Variants in AKAP13 observed in about 807,000 individuals in gnomAD.
AKAP13 encodes A-kinase anchor protein 13.
AKAP13 carries 80 observed loss-of-function variants against 264.5 expected under a neutral mutation model. The observed-to-expected ratio is 0.30, with a 90% CI of 0.25 to 0.36. The LOEUF (loss-of-function observed/expected upper bound fraction) is 0.36. Among genes scored for constraint, AKAP13 ranks in the 10% least tolerant of loss-of-function variants. The probability of loss-of-function intolerance (pLI) is 1.00; values close to 1 mark genes in which losing one functional copy is unlikely to be tolerated. For synonymous variants in AKAP13, 1,380 were observed against 1,250.2 expected (o/e 1.10, Z -2.19); for missense variants, 3,712 against 3,435.2 (o/e 1.08, Z -2.01).
intron 1 of AKAP13, among the ~76,000 whole-genome samples, chr15:85,425,764 T>A (rs1292748703): frequency 1.3e-5 from 2 of 151,348 alleles, no homozygotes; most frequent in Non-Finnish European, 2.9e-5. Flanking sequence ...TTAATTATCC[T>A]CTTTGCATTA....
At position 85,582,078 on chromosome 15, in the gene AKAP13, T is replaced by C. The variant is rs776146514; in HGVS notation, c.4010T>C (p.Leu1337Ser). Residue 1337 changes from leucine to serine, a missense_variant, in exon 7 of 37, where the codon TTA becomes TCA. Physicochemically the swap from Leu to Ser is moderately radical, Grantham distance 145 (BLOSUM62 -2). Around this residue, in one of 3 missense-constraint regions of AKAP13, gnomAD observed 2,759 missense variants for 2,411.7 expected, o/e 1.14. Transcript: ENST00000394518. ...AGREEPEKII[L>S]PVQGPEPAAE... ...AGGGAGGAGCCAGAGAAGATCATTTTACCTGTCCAGGGGCCTGAGCCAGCA... is the reference window on the plus strand; with the variant it reads ...AGGGAGGAGCCAGAGAAGATCATTTCACCTGTCCAGGGGCCTGAGCCAGCA... 1 of 1,611,398 alleles carries C rather than the reference T, an allele frequency of 6.2e-7. No homozygotes were observed. Among genetic ancestry groups the C allele is most frequent in the Admixed American group, 1.7e-5 (1 of 59,894 alleles).
intron 8 of AKAP13, among the ~76,000 whole-genome samples, chr15:85,614,131 G>A (rs1453116872): frequency 6.6e-6 from 1 of 152,130 alleles, no homozygotes; most frequent in Non-Finnish European, 1.5e-5. Flanking sequence ...CATGTCAGAG[G>A]ATTTTGTTTG....
intron 14 of AKAP13, among the ~76,000 whole-genome samples, chr15:85,680,898 A>C (rs1291680317): frequency 1.3e-5 from 2 of 152,106 alleles, no homozygotes; most frequent in African/African-American, 4.8e-5. Flanking sequence ...GCTCACTGCA[A>C]CCTCGACCTC....
intron 3 of AKAP13, 113 bp downstream of exon 3, chr15:85,521,688 T>A (rs1417641433): frequency 1.7e-6 from 2 of 1,176,032 alleles, no homozygotes; most frequent in Non-Finnish European, 2.3e-6. Flanking sequence ...TATAAAAAAA[T>A]TTATTAGTTT....
At chr15:85,706,939 C>T (rs1356216954) in intron 17 of AKAP13, among the ~76,000 whole-genome samples, 1 of 152,182 alleles carries the variant, frequency 6.6e-6, no homozygotes, top group Non-Finnish European at 1.5e-5. Flanking sequence ...CCTTCCCTCC[C>T]CATCATCACT....
intron 30 of AKAP13, among the ~76,000 whole-genome samples, chr15:85,732,592 T>C (rs552954129): frequency 6.6e-5 from 10 of 150,666 alleles, no homozygotes; most frequent in Non-Finnish European, 1.5e-4. Flanking sequence ...AGTGTTTGTT[T>C]TTTTAACTAA....
Position 85,682,191 on chromosome 15 carries a change from C to T in AKAP13, c.5135C>T (p.Thr1712Ile), listed in dbSNP as rs1027611062. 4 of 1,613,360 alleles carry T rather than the reference C, an allele frequency of 2.5e-6. No individual in the cohort carries two copies. Among genetic ancestry groups the T allele is most frequent in the Non-Finnish European group, 3.4e-6 (4 of 1,179,912 alleles). ...SRPFHSTFHN[T>I]SANLTESITE... ...CCCTTCCACAGTACCTTCCACAATA[C>T]CAGTGCTAATCTGACTGAGAGGTAC... The change falls in exon 15 of 37, where the codon ACC (threonine) becomes ATC (isoleucine). Residue 1712 changes from threonine (T) to isoleucine (I), a missense_variant. This residue lies in a region of AKAP13 where 2,759 missense variants were observed against 2,411.7 expected (regional missense o/e 1.14). Transcript: ENST00000394518.
At chr15:85,421,296 T>G (rs2072509154) in intron 1 of AKAP13, among the ~76,000 whole-genome samples, 1 of 152,276 alleles carries the variant, frequency 6.6e-6, no homozygotes, top group Non-Finnish European at 1.5e-5. Context: ...GAAGCTTATC[T>G]GCACATTTGA....
At chr15:85,555,191 C>G (rs370723278) in intron 5 of AKAP13, among the ~76,000 whole-genome samples, 1 of 152,092 alleles carries the variant, frequency 6.6e-6, no homozygotes, top group African/African-American at 2.4e-5. Flanking sequence ...TAGCTACCCC[C>G]CACCCCCTAC....
chr15:85,726,824 T>A (rs988819041), intron 27 of AKAP13, among the ~76,000 whole-genome samples: 1 of 152,260 alleles, frequency 6.6e-6, no homozygotes, highest in African/African-American at 2.4e-5. Flanking sequence ...CCTGGAAAGA[T>A]TCATCGTGTG....
chr15:85,644,882 T>G (rs1448841274), intron 9 of AKAP13, among the ~76,000 whole-genome samples: 1 of 152,080 alleles, frequency 6.6e-6, no homozygotes, highest in Non-Finnish European at 1.5e-5. Flanking sequence ...ACAAATCTCT[T>G]TAACCGTGTT....
chr15:85,633,367 G>GT (rs2081932930), intron 8 of AKAP13, among the ~76,000 whole-genome samples: 2 of 117,518 alleles, frequency 1.7e-5, no homozygotes, highest in Non-Finnish European at 3.5e-5. Flanking sequence ...AATAATAGGG[G>GT]CGGGGGGGGA....
intron 16 of AKAP13, among the ~76,000 whole-genome samples, chr15:85,686,371 C>T (rs1420509453): frequency 1.3e-5 from 2 of 152,152 alleles, no homozygotes; most frequent in Non-Finnish European, 2.9e-5. Flanking sequence ...CTTCAGTGGG[C>T]TGATGGAAAT....
At chr15:85,544,492 A>G (rs1278807072) in intron 5 of AKAP13, among the ~76,000 whole-genome samples, 2 of 152,212 alleles carry the variant, frequency 1.3e-5, no homozygotes, top group Non-Finnish European at 2.9e-5. Flanking sequence ...GAACAGCAAT[A>G]AAAAGCAACT....
At position 85,530,116 on chromosome 15, in the gene AKAP13, G is replaced by C. The variant is rs16941005; in HGVS notation, c.182-3468G>C. On this transcript the variant is annotated intron_variant, in intron 3 of 36. Coordinates refer to ENST00000394518, the MANE Select transcript of AKAP13 (RefSeq NM_007200.5). The stretch of plus-strand genomic sequence containing the variant: ...ATCCATTCACCTGCTAACAAACTCT[G>C]CTAATGCAGCAGAAAGAGATAAGCA... Among the ~76,000 whole-genome samples, 1,059 of 152,204 alleles carry C rather than the reference G, an allele frequency of 7.0e-3. 19 individuals are homozygous for C. Among genetic ancestry groups the C allele is most frequent in the African/African-American group, 0.021 (868 of 41,518 alleles).
intron 1 of AKAP13, chr15:85,381,691 C>T (rs955188829): frequency 2.6e-5 from 4 of 151,902 alleles, no homozygotes; most frequent in African/African-American, 7.3e-5. Flanking sequence ...TTCTAGATCC[C>T]GGAATTCACA....
rs1015054198 is a variant in AKAP13 at position 85,555,430 on chromosome 15, G to A, written c.662+11475G>A. ...GCTTTCCTCTATTTTTAAAGCTGTAGTATGAAGCCAAAACTAAAAGAGGAT... is the reference window on the plus strand; with the variant it reads ...GCTTTCCTCTATTTTTAAAGCTGTAATATGAAGCCAAAACTAAAAGAGGAT... On this transcript the variant is annotated intron_variant, in intron 5 of 36. Coordinates refer to ENST00000394518, the MANE Select transcript of AKAP13 (RefSeq NM_007200.5). The A allele has an allele frequency of 4.5e-5, 58 of 1,288,922 alleles. No individual in the cohort carries two copies. The African/African-American group carries it at 7.6e-4, about 17-fold the overall frequency. 79.8% of individuals were successfully genotyped at this position (1,288,922 alleles called of 1,614,324 possible). A position where few individuals can be genotyped will look rare whatever the true frequency, so the allele number is the denominator to read the frequency against.
At chr15:85,473,492 A>T (rs2075041281) in intron 1 of AKAP13, among the ~76,000 whole-genome samples, 1 of 152,216 alleles carries the variant, frequency 6.6e-6, no homozygotes, top group South Asian at 2.1e-4. Context: ...TGGCTTTCTG[A>T]TTCTCCACAT....
intron 2 of AKAP13, among the ~76,000 whole-genome samples, chr15:85,514,637 C>T (rs982993011): frequency 1.5e-5 from 2 of 137,692 alleles, no homozygotes; most frequent in Non-Finnish European, 3.1e-5. Context: ...TGAAATTGAA[C>T]ACTGGCTGCC....
Sources: allele counts gnomAD v4.1 joint callset (sites outside exome capture counted in the v4.1 genomes callset), GRCh38; gene constraint gnomAD v4.1.1; regional missense constraint gnomAD v4.1.1; transcripts MANE v1.5; gene names NCBI Gene and HGNC (gene_info 2026-07-23, HGNC 2026-07-21).